The following HAPSTR1 variants were observed in gnomAD, a reference collection of about 807,000 sequenced individuals.
HAPSTR1 encodes HUWE1 associated protein modifying stress responses, also known as HUWE1-associated protein modifying stress responses 1.
chr16:9,092,856 C>T, the HAPSTR1 span: 50 of 1,426,516 alleles, frequency 3.5e-5, no homozygotes, highest in Non-Finnish European at 4.1e-5. Flanking sequence ...TGTTCTCTTT[C>T]TTTCTCTTTC....
the HAPSTR1 span, chr16:9,113,047 T>A: frequency 2.6e-5 from 4 of 151,552 alleles, no homozygotes; most frequent in Non-Finnish European, 5.9e-5. Context: ...GTTTTTTTTT[T>A]AGTTCTGAAG....
chr16:9,100,192 C>A, the HAPSTR1 span, among the ~76,000 whole-genome samples: 1 of 152,142 alleles, frequency 6.6e-6, no homozygotes, highest in African/African-American at 2.4e-5. Flanking sequence ...TTGGTTATCT[C>A]AGAATTTTTG....
the HAPSTR1 span, chr16:9,120,673 C>CTTTTTTTTT: frequency 9.9e-5 from 10 of 100,608 alleles, no homozygotes; most frequent in East Asian, 3.0e-4. Flanking sequence ...ATGGTGAAAT[C>CTTTTTTTTT]TTTTTTTTTT....
the HAPSTR1 span, chr16:9,119,631 A>T: frequency 2.0e-5 from 3 of 152,248 alleles, no homozygotes; most frequent in Admixed American, 2.0e-4. Flanking sequence ...AGATTCTTCA[A>T]TGTGGTTTAC....
At chr16:9,114,480 A>G in the HAPSTR1 span, among the ~76,000 whole-genome samples, 3 of 152,106 alleles carry the variant, frequency 2.0e-5, no homozygotes, top group South Asian at 2.1e-4. Context: ...TCACTCAGGG[A>G]GTGAATGTTG....
the HAPSTR1 span, chr16:9,092,848 TTC>T: frequency 1.2e-5 from 16 of 1,347,126 alleles, no homozygotes; most frequent in South Asian, 9.2e-5. Context: ...AACATTCTTG[TTC>T]TCTTTCTTTC....
the HAPSTR1 span, among the ~76,000 whole-genome samples, chr16:9,092,653 CA>C: frequency 0.087 from 13,196 of 152,092 alleles, 775 homozygotes; most frequent in Admixed American, 0.18. Flanking sequence ...CGGGGACTGC[CA>C]GGGGGGGCGC....
At chr16:9,093,273 C>CT in the HAPSTR1 span, among the ~76,000 whole-genome samples, 1 of 152,264 alleles carries the variant, frequency 6.6e-6, no homozygotes, top group East Asian at 1.9e-4. Context: ...TGTATAGAGG[C>CT]TGCTGAAGGT....
the HAPSTR1 span, among the ~76,000 whole-genome samples, chr16:9,092,462 G>A: frequency 5.9e-5 from 9 of 152,132 alleles, no homozygotes; most frequent in Non-Finnish European, 1.0e-4. Flanking sequence ...GGGGTTGGGG[G>A]GACAGGCCAG....
At chr16:9,114,655 A>T in the HAPSTR1 span, among the ~76,000 whole-genome samples, 1 of 152,204 alleles carries the variant, frequency 6.6e-6, no homozygotes, top group East Asian at 1.9e-4. Flanking sequence ...GATGAGGCCT[A>T]AGAGGCAGGC....
chr16:9,101,947 C>T, the HAPSTR1 span, among the ~76,000 whole-genome samples: 1 of 152,072 alleles, frequency 6.6e-6, no homozygotes, highest in African/African-American at 2.4e-5. Context: ...ATGGTGAAAC[C>T]CGGTCTCTAC....
the HAPSTR1 span, chr16:9,103,471 G>C: frequency 1.8e-6 from 1 of 544,258 alleles, no homozygotes. Flanking sequence ...TAGAAAGTTA[G>C]TTTGAGCTTA....
chr16:9,120,234 G>A, the HAPSTR1 span: 2 of 152,324 alleles, frequency 1.3e-5, no homozygotes, highest in South Asian at 2.1e-4. Context: ...GCAACCCCTT[G>A]TTTAAAGTTA....
At chr16:9,118,124 T>C in the HAPSTR1 span, 1 of 152,772 alleles carries the variant, frequency 6.5e-6, no homozygotes, top group African/African-American at 2.4e-5. Context: ...GCATGTTTCA[T>C]CTTCATTTTT....
At chr16:9,107,496 T>A in the HAPSTR1 span, 2 of 152,310 alleles carry the variant, frequency 1.3e-5, no homozygotes, top group African/African-American at 2.4e-5. Flanking sequence ...TTTCCAGTCC[T>A]GAGCTGTTGT....
At chr16:9,106,252 A>G in the HAPSTR1 span, 1 of 151,940 alleles carries the variant, frequency 6.6e-6, no homozygotes. Context: ...CTATTTAAAG[A>G]AAAAAAAGTA....
chr16:9,098,447 T>A, the HAPSTR1 span, among the ~76,000 whole-genome samples: 2 of 152,332 alleles, frequency 1.3e-5, no homozygotes, highest in Non-Finnish European at 2.9e-5. Flanking sequence ...GGATGCCACT[T>A]CCTTAGGGAA....
chr16:9,112,349 G>A, the HAPSTR1 span: 4 of 152,212 alleles, frequency 2.6e-5, no homozygotes, highest in Non-Finnish European at 5.9e-5. Flanking sequence ...TACCCACTTG[G>A]TTTAAGTTGT....
the HAPSTR1 span, among the ~76,000 whole-genome samples, chr16:9,101,559 T>C: frequency 6.6e-6 from 1 of 152,308 alleles, no homozygotes; most frequent in South Asian, 2.1e-4. Flanking sequence ...GGTCCTACTT[T>C]GATTATTTTT....
Sources: allele counts gnomAD v4.1 joint callset (sites outside exome capture counted in the v4.1 genomes callset), GRCh38; gene constraint gnomAD v4.1.1; transcripts MANE v1.5; gene names NCBI Gene and HGNC (gene_info 2026-07-23, HGNC 2026-07-21).